The following NDUFS4 variants were observed in gnomAD, a reference collection of about 807,000 sequenced individuals.
NDUFS4 encodes NADH:ubiquinone oxidoreductase subunit S4.
A neutral mutation model predicts 24.3 loss-of-function variants in NDUFS4; 28 were observed. The ratio of observed to expected loss-of-function variants is 1.15; its 90% CI spans 0.85 to 1.58. The LOEUF (loss-of-function observed/expected upper bound fraction) is 1.58. Among genes scored for constraint, NDUFS4 ranks in the 40% most tolerant of loss-of-function variants. NDUFS4 has a pLI of 0.00. For missense variants in NDUFS4, 223 were observed against 207.9 expected (o/e 1.07, Z -0.45); for synonymous variants, 93 against 69.7 (o/e 1.34, Z -1.67).
intron 4 of NDUFS4, among the ~76,000 whole-genome samples, chr5:53,676,137 C>A (rs193070384): frequency 6.6e-6 from 1 of 152,168 alleles, no homozygotes. Context: ...TCAAACAGCA[C>A]AGATTTATGT....
intron 4 of NDUFS4, among the ~76,000 whole-genome samples, chr5:53,679,947 T>C (rs1360228268): frequency 6.6e-6 from 1 of 152,126 alleles, no homozygotes; most frequent in Non-Finnish European, 1.5e-5. Context: ...GGAGAGCACA[T>C]GGGGAACATA....
At position 53,650,594 on chromosome 5, in the gene NDUFS4, C is replaced by T. The variant is rs1751988797; in HGVS notation, c.350+4189C>T. Among the ~76,000 whole-genome samples the T allele has an allele frequency of 2.0e-5, 3 of 152,206 alleles. No homozygotes were observed. In the South Asian group the frequency reaches 6.2e-4, roughly 31 times the overall value. ...GTGTCTCTGTCTTCAGAAATAAGGA[C>T]ATTCCATTCCTTCTGTTATAGGGTA... On this transcript the variant is annotated intron_variant, in intron 3 of 4. Coordinates refer to ENST00000296684, the MANE Select transcript of NDUFS4 (RefSeq NM_002495.4).
chr5:53,663,105 G>T (rs1392729757), intron 4 of NDUFS4, among the ~76,000 whole-genome samples: 2 of 152,264 alleles, frequency 1.3e-5, no homozygotes, highest in East Asian at 3.9e-4. Context: ...GGAGCAGGTT[G>T]TTCAGTTTCC....
chr5:53,640,112 G>C (rs1027836234), intron 2 of NDUFS4, among the ~76,000 whole-genome samples: 1 of 151,736 alleles, frequency 6.6e-6, no homozygotes, highest in African/African-American at 2.4e-5. Context: ...AGCATTACGT[G>C]GTTGCTTTTG....
intron 2 of NDUFS4, among the ~76,000 whole-genome samples, chr5:53,628,864 G>A (rs1025356327): frequency 4.0e-5 from 6 of 151,800 alleles, no homozygotes; most frequent in African/African-American, 1.2e-4. Context: ...GGGTTTTTTT[G>A]TGTCTCTGTT....
chr5:53,622,237 C>G (rs1490965501), intron 2 of NDUFS4, among the ~76,000 whole-genome samples: 1 of 152,082 alleles, frequency 6.6e-6, no homozygotes, highest in African/African-American at 2.4e-5. Context: ...ATCTAGAAAT[C>G]CCTTTATTTT....
chr5:53,623,859 C>T (rs1751132638), intron 2 of NDUFS4, among the ~76,000 whole-genome samples: 1 of 152,128 alleles, frequency 6.6e-6, no homozygotes, highest in Non-Finnish European at 1.5e-5. Context: ...GCTGGGACTA[C>T]AGGCGTGCAC....
At chr5:53,646,624 T>C (rs1442226127) in intron 3 of NDUFS4, among the ~76,000 whole-genome samples, 1 of 152,094 alleles carries the variant, frequency 6.6e-6, no homozygotes. Context: ...TTTTTCAGAG[T>C]ACTACTTACT....
intron 1 of NDUFS4, among the ~76,000 whole-genome samples, chr5:53,592,660 G>A (rs1216862777): frequency 1.3e-5 from 2 of 152,174 alleles, no homozygotes; most frequent in Non-Finnish European, 2.9e-5. Flanking sequence ...GTCATTATTG[G>A]ATTGCCCTTG....
intron 1 of NDUFS4, among the ~76,000 whole-genome samples, chr5:53,576,424 CTCTG>C (rs1749389677): frequency 6.6e-6 from 1 of 152,154 alleles, no homozygotes; most frequent in Non-Finnish European, 1.5e-5. Flanking sequence ...TCTAGTTTGT[CTCTG>C]TCTGTCTCTG....
intron 1 of NDUFS4, among the ~76,000 whole-genome samples, chr5:53,603,131 G>C (rs1750379401): frequency 6.6e-6 from 1 of 151,960 alleles, no homozygotes; most frequent in Non-Finnish European, 1.5e-5. Context: ...CATGTTTCTG[G>C]CTGGTCGTGA....
chr5:53,604,774 C>G, intron 2 of NDUFS4: 1 of 456,236 alleles, frequency 2.2e-6, no homozygotes, highest in South Asian at 1.5e-5. Context: ...CCACACCAAG[C>G]CTGGAACTTG....
chr5:53,618,387 T>G (rs1750919702), intron 2 of NDUFS4, among the ~76,000 whole-genome samples: 1 of 125,684 alleles, frequency 8.0e-6, no homozygotes, highest in African/African-American at 2.6e-5. Context: ...GCTGGAATTA[T>G]AATTATTATT....
intron 1 of NDUFS4, among the ~76,000 whole-genome samples, chr5:53,578,058 C>A (rs1278931973): frequency 6.6e-6 from 1 of 152,212 alleles, no homozygotes; most frequent in Non-Finnish European, 1.5e-5. Flanking sequence ...GACTGATTAT[C>A]ATTGTGATAG....
chr5:53,574,150 C>G (rs1749311709), intron 1 of NDUFS4, among the ~76,000 whole-genome samples: 1 of 152,134 alleles, frequency 6.6e-6, no homozygotes, highest in Admixed American at 6.5e-5. Flanking sequence ...AGCAGACATT[C>G]TTTTCATTTA....
At chr5:53,674,013 T>C (rs555009489) in intron 4 of NDUFS4, among the ~76,000 whole-genome samples, 2 of 152,304 alleles carry the variant, frequency 1.3e-5, no homozygotes, top group Admixed American at 1.3e-4. Context: ...GGAGAAAAGA[T>C]GTCTTTTCTC....
chr5:53,625,655 A>G (rs1020972054), intron 2 of NDUFS4, among the ~76,000 whole-genome samples: 2 of 152,082 alleles, frequency 1.3e-5, no homozygotes, highest in African/African-American at 4.8e-5. Flanking sequence ...TACAGTATTT[A>G]TCATTTTAGA....
intron 3 of NDUFS4, among the ~76,000 whole-genome samples, chr5:53,658,312 A>T (rs542050377): frequency 2.6e-4 from 40 of 152,304 alleles, no homozygotes; most frequent in African/African-American, 9.6e-4. Context: ...ATTATTAAAG[A>T]CTAACAATGC....
rs62370552 is a variant in NDUFS4 at position 53,563,519 on chromosome 5, G to C, written c.98+2759G>C. Among the ~76,000 whole-genome samples, 244 of 148,616 alleles carry C rather than the reference G, an allele frequency of 1.6e-3. 1 individual carries two copies. The highest frequency in any genetic ancestry group is 5.5e-3 in the African/African-American group (223 of 40,714). On this transcript the variant is annotated intron_variant, in intron 1 of 4. Coordinates refer to ENST00000296684, the MANE Select transcript of NDUFS4 (RefSeq NM_002495.4). ...ATTGTCTACATTTTTTTTTTTTTTG[G>C]AGATGTAGTTTCGCTCTTGTCACCC...
Sources: gnomAD v4.1 joint callset for allele counts (sites outside exome capture counted in the v4.1 genomes callset) on GRCh38, gnomAD v4.1.1 for gene constraint, MANE v1.5 for transcripts, NCBI Gene and HGNC (gene_info 2026-07-23, HGNC 2026-07-21) for gene names.